Variants in GYG1 observed in about 807,000 individuals in gnomAD.
GYG1 encodes glycogenin 1.
A neutral mutation model predicts 41.9 loss-of-function variants in GYG1; 44 were observed. The ratio of observed to expected loss-of-function variants is 1.05; its 90% CI spans 0.83 to 1.35. The LOEUF is 1.35. GYG1 is among the 40% of genes most tolerant of loss of function. GYG1 has a pLI of 0.00. For missense variants in GYG1, 429 were observed against 418.9 expected (o/e 1.02, Z -0.21); for synonymous variants, 141 against 158.1 (o/e 0.89, Z 0.81).
chr3:149,013,401 A>T (rs905909479), intron 5 of GYG1, among the ~76,000 whole-genome samples: 4 of 152,162 alleles, frequency 2.6e-5, no homozygotes, highest in African/African-American at 9.7e-5. Flanking sequence ...GCTCTCTAGG[A>T]ATCTCATGCT....
Position 149,028,139 on chromosome 3 carries a change from A to C in GYG1, c.*1206A>C, listed in dbSNP as rs993540095. Reference sequence around the variant, plus strand: ...TCTATGGAAGAAAACAGGACAGTTAACCATGACAGGAAGAAACTTTAGAGG... The same window carrying C: ...TCTATGGAAGAAAACAGGACAGTTACCCATGACAGGAAGAAACTTTAGAGG... On this transcript the variant is annotated 3_prime_UTR_variant, in exon 8 of 8. Coordinates refer to ENST00000345003, the MANE Select transcript of GYG1 (RefSeq NM_004130.4). Among the ~76,000 whole-genome samples the C allele has an allele frequency of 5.9e-5, 9 of 152,234 alleles. No individual in the cohort carries two copies. The highest frequency in any genetic ancestry group is 5.9e-4 in the Admixed American group (9 of 15,278).
Position 148,997,054 on chromosome 3 carries a change from T to TTG in GYG1, c.481+178_481+179dup, listed in dbSNP as rs10571382. On this transcript the variant is annotated intron_variant, in intron 4 of 7. Coordinates refer to ENST00000345003, the MANE Select transcript of GYG1 (RefSeq NM_004130.4). ...TTAAGTTGTGCTCTTCTGGGAAATA[T>TTG]TGTGTGTGTGTGTGTGTGTGTGTGT... The TTG allele has an allele frequency of 0.039, 23,556 of 605,964 alleles. 198 individuals carry two copies. The highest frequency in any genetic ancestry group is 0.047 in the South Asian group (2,585 of 54,638). The allele number at this position is 605,964 out of a possible 1,614,324, so 37.5% of individuals were successfully genotyped here. A position where few individuals can be genotyped will look rare whatever the true frequency, so the allele number is the denominator to read the frequency against.
At chr3:149,008,910 C>A in intron 4 of GYG1, 1 of 226,772 alleles carries the variant, frequency 4.4e-6, no homozygotes, top group Non-Finnish European at 8.8e-6. Flanking sequence ...GTAGTCCTTG[C>A]ACTTTGGGAG....
At chr3:149,010,517 G>A (rs1302553623) in intron 5 of GYG1, among the ~76,000 whole-genome samples, 1 of 151,934 alleles carries the variant, frequency 6.6e-6, no homozygotes, top group African/African-American at 2.4e-5. Context: ...AGTGGAGATG[G>A]GGTTTCACCG....
rs940282521 is a variant in GYG1, at chr3:149,031,580, G to C, written c.*4647G>C. ...AGTGTAGTACTACTTAACTAAAATG[G>C]AAAAAATAGTACTCTTAACATAATC... On this transcript the variant is annotated 3_prime_UTR_variant, in exon 8 of 8. Coordinates refer to ENST00000345003, the MANE Select transcript of GYG1 (RefSeq NM_004130.4). The C allele has an allele frequency of 1.3e-5, 2 of 152,190 alleles. No homozygotes were observed. Among genetic ancestry groups the C allele is most frequent in the Non-Finnish European group, 2.9e-5 (2 of 67,982 alleles). 9.4% of individuals were successfully genotyped at this position (152,190 alleles called of 1,614,324 possible). A position where few individuals can be genotyped will look rare whatever the true frequency, so the allele number is the denominator to read the frequency against.
intron 4 of GYG1, among the ~76,000 whole-genome samples, chr3:149,005,615 A>G (rs189265315): frequency 2.0e-5 from 3 of 152,332 alleles, no homozygotes; most frequent in East Asian, 3.9e-4. Flanking sequence ...CATTCATTCC[A>G]TAAATAATTT....
chr3:148,991,757 A>C (rs2107880740), intron 1 of GYG1, 110 bp downstream of exon 1: 1 of 908,570 alleles, frequency 1.1e-6, no homozygotes, highest in South Asian at 1.6e-5. Flanking sequence ...GCAGGACGAA[A>C]CCGCCGCAAA....
In GYG1 at chr3:149,012,811, G is replaced by T. The variant is rs762807718; in HGVS notation, c.608+3409G>T. 6.6e-5 allele frequency among the ~76,000 whole-genome samples: 10 copies of T among 152,044 alleles called. 1 individual carries two copies. The highest frequency in any genetic ancestry group is 1.3e-4 in the Non-Finnish European group (9 of 68,010). ...TAAGTTAGTTTGTAGTATTGCATCA[G>T]AAAACAAGTCATAAATGCATTTTAT... On this transcript the variant is annotated intron_variant, in intron 5 of 7. Coordinates refer to ENST00000345003, the MANE Select transcript of GYG1 (RefSeq NM_004130.4).
At chr3:149,012,999 G>GTA (rs748234961) in intron 5 of GYG1, among the ~76,000 whole-genome samples, 1 of 98,558 alleles carries the variant, frequency 1.0e-5, no homozygotes, top group African/African-American at 3.2e-5. Context: ...CAGTTAATTT[G>GTA]TGTGTGTGTG....
intron 4 of GYG1, among the ~76,000 whole-genome samples, chr3:149,004,821 C>T (rs1295671945): frequency 6.6e-6 from 1 of 152,212 alleles, no homozygotes; most frequent in East Asian, 1.9e-4. Flanking sequence ...GTTTTCTGTA[C>T]ACCCCGTGCT....
At position 149,026,806 on chromosome 3, in the gene GYG1, C is replaced by T. The variant is rs1014772125; in HGVS notation, c.926C>T (p.Pro309Leu). The T allele has an allele frequency of 3.0e-5, 48 of 1,613,778 alleles. No homozygotes were observed. Among genetic ancestry groups the T allele is most frequent in the Non-Finnish European group, 3.9e-5 (46 of 1,179,806 alleles). ...AISHLSLGEI[P>L]AMAQPFVSSE... is the part of the protein sequence containing the mutation. ...TCACATCTGTCCCTTGGGGAGATCCCAGCTATGGCACAGCCGTTTGTATCC... is the reference window on the plus strand; with the variant it reads ...TCACATCTGTCCCTTGGGGAGATCCTAGCTATGGCACAGCCGTTTGTATCC... Residue 309 changes from proline (P) to leucine (L), a missense_variant, in exon 8 of 8, where the codon CCA (proline) becomes CTA (leucine). Coordinates refer to ENST00000345003, the MANE Select transcript of GYG1 (RefSeq NM_004130.4).
Position 149,024,263 on chromosome 3 carries a change from T to A in GYG1, c.819T>A (p.Tyr273Ter), listed in dbSNP as rs1714533252. The A allele has an allele frequency of 1.9e-6, 3 of 1,591,686 alleles. No individual in the cohort carries two copies. The highest frequency in any genetic ancestry group is 2.6e-6 in the Non-Finnish European group (3 of 1,159,502). Residue 273 changes from tyrosine (Y) to a stop codon, truncating the protein, a stop_gained, in exon 6 of 8, where the codon TAT becomes TAA. Transcript: ENST00000345003. LOFTEE classifies it high-confidence loss of function. ...QFGLVKDTCSYVNVLSDLVYT... is the reference protein window; with the variant it reads ...QFGLVKDTCS ...GCCTTGTCAAAGACACCTGCTCATA[T>A]GTAAATGTGGTAGGTTCTGTTTCTT...
rs112014624 is a variant in GYG1 at position 149,025,464 on chromosome 3, C to T, written c.829-988C>T. Among the ~76,000 whole-genome samples, 19 of 152,270 alleles carry T rather than the reference C, an allele frequency of 1.2e-4. No homozygotes were observed. In the East Asian group the frequency reaches 1.9e-3, roughly 15 times the overall value. ...AACAGGCCATGGACTACTGCTGGTC[C>T]GTGGCCTGGGGGTTGGGGACCCCTG... On this transcript the variant is annotated intron_variant, in intron 6 of 7. Coordinates refer to ENST00000345003, the MANE Select transcript of GYG1 (RefSeq NM_004130.4).
chr3:149,018,115 G>A (rs191454086), intron 5 of GYG1, among the ~76,000 whole-genome samples: 11 of 152,090 alleles, frequency 7.2e-5, no homozygotes, highest in Admixed American at 3.9e-4. Context: ...GGTAATTCTC[G>A]ATTTTCATAA....
At position 149,028,117 on chromosome 3, in the gene GYG1, A is replaced by G. The variant is rs16861308; in HGVS notation, c.*1184A>G. On this transcript the variant is annotated 3_prime_UTR_variant, in exon 8 of 8. Coordinates refer to ENST00000345003, the MANE Select transcript of GYG1 (RefSeq NM_004130.4). ...AAAATGAGTGGTCAGAAATGATTCTATGGAAGAAAACAGGACAGTTAACCA... is the reference window on the plus strand; with the variant it reads ...AAAATGAGTGGTCAGAAATGATTCTGTGGAAGAAAACAGGACAGTTAACCA... Among the ~76,000 whole-genome samples the G allele has an allele frequency of 0.028, 4,193 of 152,308 alleles. 207 individuals are homozygous for G. The highest frequency in any genetic ancestry group is 0.096 in the African/African-American group (4,001 of 41,558).
chr3:149,002,746 C>T (rs1476351578), intron 4 of GYG1, among the ~76,000 whole-genome samples: 5 of 152,170 alleles, frequency 3.3e-5, no homozygotes, highest in Non-Finnish European at 7.3e-5. Flanking sequence ...AGTGTCCAGG[C>T]GCAGTGGCTC....
At position 148,996,361 on chromosome 3, in the gene GYG1, A is replaced by AT; in HGVS notation, c.205dup (p.Ser69PhefsTer44). ...ATGGTAGATGTCTTGGACAGTGGCG[A>AT]TTCTGCTCATCTAACCTTAATGAAG... On this transcript the variant is annotated frameshift_variant, in exon 3 of 8. Coordinates refer to ENST00000345003, the MANE Select transcript of GYG1 (RefSeq NM_004130.4). LOFTEE classifies it high-confidence loss of function. The AT allele has an allele frequency of 6.2e-7, 1 of 1,612,208 alleles. No homozygotes were observed. Among genetic ancestry groups the AT allele is most frequent in the East Asian group, 2.2e-5 (1 of 44,880 alleles).
chr3:149,002,954 G>C (rs1713176860), intron 4 of GYG1, among the ~76,000 whole-genome samples: 1 of 152,106 alleles, frequency 6.6e-6, no homozygotes, highest in South Asian at 2.1e-4. Context: ...CCTGGAAGCA[G>C]AGGCAATGAG....
At chr3:149,021,061 C>T (rs1281615768) in intron 5 of GYG1, among the ~76,000 whole-genome samples, 4 of 152,202 alleles carry the variant, frequency 2.6e-5, no homozygotes, top group Non-Finnish European at 4.4e-5. Context: ...GACTCTTTCC[C>T]ATGCATTGTC....
Sources: gnomAD v4.1 joint callset for allele counts (sites outside exome capture counted in the v4.1 genomes callset) on GRCh38, gnomAD v4.1.1 for gene constraint, MANE v1.5 for transcripts, NCBI Gene and HGNC (gene_info 2026-07-23, HGNC 2026-07-21) for gene names.